Variants in SLC30A4 observed in about 807,000 individuals in gnomAD.
SLC30A4 encodes the protein solute carrier family 30 member 4.
SLC30A4 carries 20 observed loss-of-function variants against 41.7 expected under a neutral mutation model. The observed-to-expected ratio is 0.48, with a 90% confidence interval of 0.34 to 0.70. SLC30A4 has a LOEUF of 0.70. Among genes scored for constraint, SLC30A4 ranks in the 30% least tolerant of loss-of-function variants. SLC30A4 has a pLI of 0.01. For synonymous variants in SLC30A4, 181 were observed against 195.9 expected, an observed-to-expected ratio of 0.92 and a Z score of 0.64; for missense variants, 441 against 529.3, an observed-to-expected ratio of 0.83 and a Z score of 1.64.
In SLC30A4 at chr15:45,479,870, T is replaced by C; in HGVS notation, c.*5293A>G. On this transcript the variant is annotated 3_prime_UTR_variant, in exon 8 of 8. Transcript: ENST00000261867. ...ATATATATATATATATACTTTGATC[T>C]TAATTAACATGGACAAACCCCAGCT... 1 of 151,798 alleles carries C rather than the reference T, an allele frequency of 6.6e-6. No individual in the cohort carries two copies. The highest frequency in any genetic ancestry group is 1.9e-4 in the East Asian group (1 of 5,192). The allele number at this position is 151,798 out of a possible 1,614,324, so 9.4% of individuals were successfully genotyped here. A position where few individuals can be genotyped will look rare whatever the true frequency, so the allele number is the denominator to read the frequency against.
intron 3 of SLC30A4, among the ~76,000 whole-genome samples, chr15:45,504,842 G>C (rs1892114651): frequency 6.6e-6 from 1 of 152,112 alleles, no homozygotes; most frequent in African/African-American, 2.4e-5. Flanking sequence ...GGAAGTTAGG[G>C]AGCCAGAGCT....
intron 3 of SLC30A4, among the ~76,000 whole-genome samples, chr15:45,508,875 ACTT>A (rs1892218147): frequency 6.6e-6 from 1 of 152,210 alleles, no homozygotes; most frequent in African/African-American, 2.4e-5. Flanking sequence ...AACACTAAGT[ACTT>A]CTTTAATATT....
intron 2 of SLC30A4, among the ~76,000 whole-genome samples, chr15:45,521,664 C>A (rs1382554150): frequency 2.0e-5 from 3 of 152,068 alleles, no homozygotes; most frequent in Admixed American, 6.6e-5. Context: ...TGGTATTTTA[C>A]CAGACCTTTG....
intron 3 of SLC30A4, among the ~76,000 whole-genome samples, chr15:45,500,435 G>T (rs1213773926): frequency 6.6e-6 from 1 of 152,142 alleles, no homozygotes; most frequent in African/African-American, 2.4e-5. Flanking sequence ...TTGAACAAAA[G>T]ATGATTTAGC....
chr15:45,488,418 C>T (rs141021050), intron 5 of SLC30A4, among the ~76,000 whole-genome samples: 122 of 152,142 alleles, frequency 8.0e-4, no homozygotes, highest in African/African-American at 2.8e-3. Context: ...ACTAAAAATA[C>T]AAAAATTAGC....
chr15:45,512,583 T>C (rs1892331973), intron 2 of SLC30A4: 2 of 152,196 alleles, frequency 1.3e-5, no homozygotes, highest in Non-Finnish European at 2.9e-5. Context: ...AGCATTTTTA[T>C]GTATTCCCCG....
At chr15:45,491,763 G>C (rs1318879002) in intron 3 of SLC30A4, among the ~76,000 whole-genome samples, 2 of 152,058 alleles carry the variant, frequency 1.3e-5, no homozygotes, top group Admixed American at 1.3e-4. Flanking sequence ...CAGCTACTCA[G>C]GAGGCTGAGG....
intron 3 of SLC30A4, among the ~76,000 whole-genome samples, chr15:45,508,064 C>G (rs1892197676): frequency 6.6e-6 from 1 of 151,974 alleles, no homozygotes; most frequent in Admixed American, 6.5e-5. Context: ...TTCAAGGGAT[C>G]CTTCTGCCTC....
chr15:45,519,507 C>T (rs534195068), intron 2 of SLC30A4: 4 of 152,272 alleles, frequency 2.6e-5, no homozygotes, highest in East Asian at 1.9e-4. Flanking sequence ...TATTTATAAG[C>T]GCTTTGGACA....
chr15:45,517,579 C>T (rs1412542141), intron 2 of SLC30A4, among the ~76,000 whole-genome samples: 1 of 151,804 alleles, frequency 6.6e-6, no homozygotes, highest in Non-Finnish European at 1.5e-5. Context: ...TCTCGAACTC[C>T]CGATCCATTC....
At chr15:45,504,068 A>AG (rs1444519766) in intron 3 of SLC30A4, among the ~76,000 whole-genome samples, 1 of 152,224 alleles carries the variant, frequency 6.6e-6, no homozygotes, top group Non-Finnish European at 1.5e-5. Flanking sequence ...AGGAACTGAG[A>AG]GGGGAAGTAA....
chr15:45,492,551 C>T (rs879655287), intron 3 of SLC30A4, among the ~76,000 whole-genome samples: 5 of 151,854 alleles, frequency 3.3e-5, no homozygotes, highest in East Asian at 3.9e-4. Context: ...ATTAATTAAA[C>T]GTTGTATATA....
chr15:45,490,930 C>T lies in SLC30A4; in HGVS notation c.539-49G>A, dbSNP rs1891798869. The T allele has an allele frequency of 4.1e-6, 5 of 1,213,908 alleles. No homozygotes were observed. The East Asian group carries it at 7.3e-5, about 18-fold the overall frequency. The allele number at this position is 1,213,908 out of a possible 1,614,324, so 75.2% of individuals were successfully genotyped here. On this transcript the variant is annotated intron_variant, in intron 3 of 7. Transcript: ENST00000261867. The stretch of plus-strand genomic sequence containing the variant: ...AAATACATTTTCAGCATGGTTACTA[C>T]ACTTCATACCAACTAAATATTATAT...
Position 45,490,889 on chromosome 15 carries a change from GA to G in SLC30A4, c.539-9del. The G allele has an allele frequency of 6.5e-7, 1 of 1,542,668 alleles. No individual in the cohort carries two copies. Among genetic ancestry groups the G allele is most frequent in the Non-Finnish European group, 8.8e-7 (1 of 1,141,672 alleles). On this transcript the variant is annotated splice_polypyrimidine_tract_variant and intron_variant, in intron 3 of 7. Coordinates refer to ENST00000261867, the MANE Select transcript of SLC30A4 (RefSeq NM_013309.6). Reference sequence around the variant, plus strand: ...TCATAGCTGACAAAACCTCTAGAGGGAAAAACACATATAACAAATACATTTT... The same window carrying G: ...TCATAGCTGACAAAACCTCTAGAGGGAAAACACATATAACAAATACATTTT...
intron 4 of SLC30A4, among the ~76,000 whole-genome samples, chr15:45,489,644 A>G (rs1891773658): frequency 2.0e-5 from 3 of 147,566 alleles, no homozygotes; most frequent in Non-Finnish European, 3.0e-5. Flanking sequence ...GGGGAGGGAT[A>G]GCATTAGGAG....
Position 45,485,239 on chromosome 15 carries a change from C to G in SLC30A4, c.1214G>C (p.Arg405Thr). Residue 405 changes from arginine to threonine, a missense_variant, in exon 8 of 8, where the codon AGA becomes ACA. By Grantham distance (71) the Arg-to-Thr change is moderately conservative. Around this residue, in one of 3 missense-constraint regions of SLC30A4, gnomAD observed 100 missense variants for 121.0 expected, o/e 0.83. Transcript: ENST00000261867. ...GTAACTCTGAAGCTGAATAGTACAT[C>G]TATACATGCCAAATGTGTTCAATAA... is the stretch of plus-strand genomic sequence containing the variant. ...HLLLNTFGMY[R>T]CTIQLQSYRQ... 1 of 1,612,414 alleles carries G rather than the reference C, an allele frequency of 6.2e-7. No homozygotes were observed. Among genetic ancestry groups the G allele is most frequent in the South Asian group, 1.1e-5 (1 of 90,982 alleles).
chr15:45,496,840 A>AATAG (rs757206233), intron 3 of SLC30A4, among the ~76,000 whole-genome samples: 1 of 103,852 alleles, frequency 9.6e-6, no homozygotes, highest in Non-Finnish European at 1.7e-5. Context: ...TGAAAATATA[A>AATAG]ATAAATAAAT....
rs779225254 is a variant in SLC30A4 at position 45,490,900 on chromosome 15, A to G, written c.539-19T>C. 3.2e-5 allele frequency: 48 copies of G among 1,517,044 alleles called. No individual in the cohort carries two copies. Among genetic ancestry groups the G allele is most frequent in the Non-Finnish European group, 4.0e-5 (45 of 1,125,922 alleles). The allele number at this position is 1,517,044 out of a possible 1,614,324, so 94.0% of individuals were successfully genotyped here. A position where few individuals can be genotyped will look rare whatever the true frequency, so the allele number is the denominator to read the frequency against. ...AAAACCTCTAGAGGGAAAAACACATATAACAAATACATTTTCAGCATGGTT... is the reference window on the plus strand; with the variant it reads ...AAAACCTCTAGAGGGAAAAACACATGTAACAAATACATTTTCAGCATGGTT... On this transcript the variant is annotated intron_variant, in intron 3 of 7. Coordinates refer to ENST00000261867, the MANE Select transcript of SLC30A4 (RefSeq NM_013309.6).
At chr15:45,486,422 C>T (rs372542633) in intron 7 of SLC30A4, among the ~76,000 whole-genome samples, 189 bp downstream of exon 7, 7 of 152,146 alleles carry the variant, frequency 4.6e-5, no homozygotes, top group African/African-American at 1.2e-4. Context: ...TGACCTGCAA[C>T]TTACCCTTTA....
Sources: allele counts gnomAD v4.1 joint callset (sites outside exome capture counted in the v4.1 genomes callset), GRCh38; gene constraint gnomAD v4.1.1; regional missense constraint gnomAD v4.1.1; transcripts MANE v1.5; gene names NCBI Gene and HGNC (gene_info 2026-07-23, HGNC 2026-07-21).